Variants in GOLM1 observed in about 807,000 individuals in gnomAD.
GOLM1 encodes epididymis luminal protein 46.
In GOLM1, 31 loss-of-function variants were observed where a neutral mutation model predicts 50.5. That is an observed-to-expected ratio of 0.61 (90% CI 0.46 to 0.83). GOLM1 has a LOEUF of 0.83. Ranked by LOEUF, GOLM1 falls within the 40% of genes least tolerant of loss-of-function variation. The probability of loss-of-function intolerance (pLI) is 0.00; values close to 1 mark genes in which losing one functional copy is unlikely to be tolerated. For synonymous variants in GOLM1, 178 were observed against 192.8 expected, an observed-to-expected ratio of 0.92 and a Z score of 0.64; for missense variants, 491 against 501.3, an observed-to-expected ratio of 0.98 and a Z score of 0.20.
At chr9:86,037,678 G>A (rs111732898) in intron 6 of GOLM1, among the ~76,000 whole-genome samples, 8 of 152,172 alleles carry the variant, frequency 5.3e-5, no homozygotes, top group African/African-American at 1.9e-4. Flanking sequence ...CCATAGGAGA[G>A]GTGAGGACAG....
At chr9:86,061,078 G>A (rs1028435790) in intron 3 of GOLM1, among the ~76,000 whole-genome samples, 7 of 151,968 alleles carry the variant, frequency 4.6e-5, no homozygotes, top group Non-Finnish European at 7.4e-5. Flanking sequence ...TGGTTAAAAC[G>A]GCACGAGTTG....
intron 9 of GOLM1, among the ~76,000 whole-genome samples, chr9:86,032,607 A>C (rs1833019682): frequency 6.6e-6 from 1 of 152,224 alleles, no homozygotes; most frequent in South Asian, 2.1e-4. Context: ...AAATGTCACC[A>C]CTTGGGCAAT....
At chr9:86,066,840 A>AC (rs1269614580) in intron 3 of GOLM1, among the ~76,000 whole-genome samples, 1 of 152,044 alleles carries the variant, frequency 6.6e-6, no homozygotes, top group Non-Finnish European at 1.5e-5. Flanking sequence ...AGGTGATGCC[A>AC]CCCCCAAGCC....
intron 3 of GOLM1, among the ~76,000 whole-genome samples, chr9:86,068,257 G>A (rs960460386): frequency 2.0e-5 from 3 of 152,190 alleles, no homozygotes; most frequent in African/African-American, 4.8e-5. Context: ...GAGAGGCGAG[G>A]TAGTGTCCTC....
At chr9:86,036,728 C>T (rs962178486) in intron 6 of GOLM1, 11 of 554,042 alleles carry the variant, frequency 2.0e-5, no homozygotes. Context: ...ACTGTCAATA[C>T]AGAATAAAAC....
chr9:86,064,048 C>T (rs1285025363), intron 3 of GOLM1, among the ~76,000 whole-genome samples: 1 of 152,196 alleles, frequency 6.6e-6, no homozygotes, highest in Non-Finnish European at 1.5e-5. Flanking sequence ...AGGTCCAGGA[C>T]ATCCCATGAC....
In GOLM1 at chr9:86,035,628, G is replaced by A; in HGVS notation, c.758-3C>T. On this transcript the variant is annotated splice_region_variant and splice_polypyrimidine_tract_variant and intron_variant, in intron 7 of 9. Coordinates refer to ENST00000388712, the MANE Select transcript of GOLM1 (RefSeq NM_016548.4). ...CACCTGGATCTCATTGGTTTCCTCT[G>A]TGCACAGAACACAGTTAGCTGTGAC... is the stretch of plus-strand genomic sequence containing the variant. 2 of 1,536,476 alleles carry A rather than the reference G, an allele frequency of 1.3e-6. No homozygotes were observed. Among genetic ancestry groups the A allele is most frequent in the Non-Finnish European group, 1.8e-6 (2 of 1,126,908 alleles).
At chr9:86,045,442 G>A (rs1348664015) in intron 5 of GOLM1, among the ~76,000 whole-genome samples, 2 of 152,156 alleles carry the variant, frequency 1.3e-5, no homozygotes, top group African/African-American at 4.8e-5. Flanking sequence ...GGAGGCCAAG[G>A]CAGGTGGATC....
chr9:86,035,266 G>A (rs1472828918), intron 8 of GOLM1, 102 bp downstream of exon 8: 1 of 1,531,462 alleles, frequency 6.5e-7, no homozygotes, highest in African/African-American at 1.4e-5. Flanking sequence ...ACTGCTGTTT[G>A]GTAAAATTCA....
chr9:86,032,616 A>G (rs1833019911), intron 9 of GOLM1, among the ~76,000 whole-genome samples: 1 of 152,192 alleles, frequency 6.6e-6, no homozygotes, highest in Non-Finnish European at 1.5e-5. Flanking sequence ...CACTTGGGCA[A>G]TGTTCATCAA....
chr9:86,057,030 C>T (rs1834014227), intron 3 of GOLM1, among the ~76,000 whole-genome samples: 1 of 152,130 alleles, frequency 6.6e-6, no homozygotes, highest in Admixed American at 6.5e-5. Context: ...GGTTGTTTTT[C>T]ACATTTTGGT....
At chr9:86,036,300 T>A in intron 7 of GOLM1, 48 bp downstream of exon 7, 1 of 1,597,822 alleles carries the variant, frequency 6.3e-7, no homozygotes. Context: ...CTTCCTCTGA[T>A]GGGGCTCTGG....
chr9:86,027,200 A>G lies in GOLM1; in HGVS notation c.*617T>C, dbSNP rs990628579. 1 of 985,210 alleles carries G rather than the reference A, an allele frequency of 1.0e-6. No individual in the cohort carries two copies. The highest frequency in any genetic ancestry group is 1.2e-6 in the Non-Finnish European group (1 of 829,678). The allele number at this position is 985,210 out of a possible 1,614,324, so 61.0% of individuals were successfully genotyped here. A position where few individuals can be genotyped will look rare whatever the true frequency, so the allele number is the denominator to read the frequency against. ...TAAAAATGACAAGGGTTATTATACA[A>G]GTAGCCTTTTAAAAAATTCTCACAC... On this transcript the variant is annotated 3_prime_UTR_variant, in exon 10 of 10. Transcript: ENST00000388712.
At chr9:86,061,819 A>G (rs1834166533) in intron 3 of GOLM1, among the ~76,000 whole-genome samples, 1 of 152,070 alleles carries the variant, frequency 6.6e-6, no homozygotes, top group East Asian at 1.9e-4. Flanking sequence ...ACAGGAGGAG[A>G]GGAGTGGCTA....
chr9:86,053,448 A>G lies in GOLM1; in HGVS notation c.310-857T>C, dbSNP rs1395475419. Among the ~76,000 whole-genome samples, 4 of 93,602 alleles carry G rather than the reference A, an allele frequency of 4.3e-5. No homozygotes were observed. In the South Asian group the frequency reaches 1.5e-3, roughly 35 times the overall value. The allele number at this position is 93,602 out of a possible 152,430, so 61.4% of individuals were successfully genotyped here. ...CACACCACACCACACACCATTCCATACCAAACCACATCACACCACACCACT... is the reference window on the plus strand; with the variant it reads ...CACACCACACCACACACCATTCCATGCCAAACCACATCACACCACACCACT... On this transcript the variant is annotated intron_variant, in intron 3 of 9. Transcript: ENST00000388712.
chr9:86,028,906 T>A (rs982947097), intron 9 of GOLM1, among the ~76,000 whole-genome samples: 3 of 147,780 alleles, frequency 2.0e-5, no homozygotes, highest in Non-Finnish European at 4.4e-5. Flanking sequence ...TGGAGTGCAG[T>A]CGTGCGATCT....
intron 3 of GOLM1, among the ~76,000 whole-genome samples, chr9:86,060,363 T>C (rs1396115044): frequency 6.6e-6 from 1 of 151,998 alleles, no homozygotes; most frequent in Non-Finnish European, 1.5e-5. Context: ...ACAAGTCATT[T>C]ATGGCATCCT....
chr9:86,053,025 ACAC>A (rs1233985279), intron 3 of GOLM1, among the ~76,000 whole-genome samples: 5 of 135,518 alleles, frequency 3.7e-5, no homozygotes, highest in African/African-American at 5.5e-5. Context: ...ACTCCACACA[ACAC>A]CACGCCATAT....
intron 9 of GOLM1, among the ~76,000 whole-genome samples, chr9:86,032,532 TGGA>T (rs1013326949): frequency 6.6e-6 from 1 of 152,108 alleles, no homozygotes; most frequent in Non-Finnish European, 1.5e-5. Context: ...ACAAGTGTGT[TGGA>T]GGAGGGAGAG....
Sources: allele counts gnomAD v4.1 joint callset (sites outside exome capture counted in the v4.1 genomes callset), GRCh38; gene constraint gnomAD v4.1.1; transcripts MANE v1.5; gene names NCBI Gene and HGNC (gene_info 2026-07-23, HGNC 2026-07-21).